Variants in STK32B observed in about 807,000 individuals in gnomAD.
STK32B encodes serine/threonine kinase 32B, also known as serine/threonine-protein kinase 32B.
STK32B carries 43 observed loss-of-function variants against 52.6 expected under a neutral mutation model. The observed-to-expected ratio is 0.82, with a 90% CI of 0.64 to 1.05. The LOEUF (loss-of-function observed/expected upper bound fraction) is 1.05, where lower values mean the gene tolerates loss of function less well. Among genes scored for constraint, STK32B ranks in the 50% least tolerant of loss-of-function variants. The probability of loss-of-function intolerance (pLI) is 0.00; values close to 1 mark genes in which losing one functional copy is unlikely to be tolerated. For synonymous variants in STK32B, 238 were observed against 204.3 expected (o/e 1.17, Z -1.41); for missense variants, 621 against 534.6 (o/e 1.16, Z -1.59).
At chr4:5,123,643 T>C (rs1029994561) in intron 1 of STK32B, among the ~76,000 whole-genome samples, 1 of 152,158 alleles carries the variant, frequency 6.6e-6, no homozygotes, top group Admixed American at 6.5e-5. Context: ...GTGGCCACCC[T>C]GGGTGCATCT....
Position 5,387,084 on chromosome 4 carries a change from G to A in STK32B, c.435-11123G>A, listed in dbSNP as rs573007717. ...GAATGACATCAGACGAGAGCTGGGC[G>A]GTGGCCCCTGGGAAAGCTGGGGGTC... On this transcript the variant is annotated intron_variant, in intron 4 of 11. Transcript: ENST00000282908. Among the ~76,000 whole-genome samples, 20 of 152,280 alleles carry A rather than the reference G, an allele frequency of 1.3e-4. No homozygotes were observed. The South Asian group carries it at 3.1e-3, about 24-fold the overall frequency.
chr4:5,439,664 A>G (rs1714512780), intron 6 of STK32B, among the ~76,000 whole-genome samples: 1 of 152,194 alleles, frequency 6.6e-6, no homozygotes, highest in Non-Finnish European at 1.5e-5. Flanking sequence ...TGTTTTAGAC[A>G]TGAAGTCCTT....
chr4:5,102,528 C>T (rs1321273500), intron 1 of STK32B, among the ~76,000 whole-genome samples: 2 of 117,344 alleles, frequency 1.7e-5, no homozygotes, highest in African/African-American at 3.2e-5. Flanking sequence ...TTCTTTCTTT[C>T]TTTACTTTCT....
chr4:5,352,220 C>T (rs1733873831), intron 4 of STK32B, among the ~76,000 whole-genome samples: 2 of 152,022 alleles, frequency 1.3e-5, no homozygotes, highest in South Asian at 4.1e-4. Flanking sequence ...AAACCAAATC[C>T]AGCAACACAT....
intron 3 of STK32B, among the ~76,000 whole-genome samples, chr4:5,313,124 T>C (rs1730422412): frequency 6.7e-6 from 1 of 149,954 alleles, no homozygotes; most frequent in Admixed American, 6.6e-5. Flanking sequence ...AAAACCACAA[T>C]TACTTTTGCT....
intron 1 of STK32B, among the ~76,000 whole-genome samples, chr4:5,064,404 C>CGT (rs371322536): frequency 1.2e-5 from 1 of 80,314 alleles, no homozygotes; most frequent in East Asian, 3.9e-4. Flanking sequence ...TACTTATATA[C>CGT]ATATAATATA....
chr4:5,114,825 G>A (rs1008210529), intron 1 of STK32B, among the ~76,000 whole-genome samples: 5 of 152,084 alleles, frequency 3.3e-5, no homozygotes, highest in Admixed American at 2.6e-4. Context: ...GAGAACCCAG[G>A]CTCGTTATTC....
At chr4:5,385,467 G>C (rs1041698196) in intron 4 of STK32B, among the ~76,000 whole-genome samples, 1 of 146,456 alleles carries the variant, frequency 6.8e-6, no homozygotes, top group Non-Finnish European at 1.5e-5. Context: ...GGGTTTTGGC[G>C]TTTGGCTGGG....
intron 9 of STK32B, among the ~76,000 whole-genome samples, chr4:5,462,798 T>C (rs1219887907): frequency 6.6e-6 from 1 of 152,176 alleles, no homozygotes; most frequent in African/African-American, 2.4e-5. Context: ...CCCTCTGTTG[T>C]GCAAACAAAA....
intron 3 of STK32B, among the ~76,000 whole-genome samples, chr4:5,170,974 T>C (rs1254489374): frequency 6.6e-6 from 1 of 152,202 alleles, no homozygotes; most frequent in African/African-American, 2.4e-5. Context: ...ACCTGTTGTT[T>C]CCTGACTTTT....
intron 2 of STK32B, among the ~76,000 whole-genome samples, chr4:5,159,588 A>T (rs370377461): frequency 1.9e-5 from 2 of 105,878 alleles, no homozygotes; most frequent in African/African-American, 5.2e-5. Flanking sequence ...TATATATATG[A>T]ATATATATGA....
chr4:5,209,645 T>C (rs1266182877), intron 3 of STK32B, among the ~76,000 whole-genome samples: 1 of 152,188 alleles, frequency 6.6e-6, no homozygotes, highest in Non-Finnish European at 1.5e-5. Context: ...CTGAACTGAA[T>C]TGATAATGAT....
chr4:5,198,556 A>T (rs2108772889), intron 3 of STK32B, among the ~76,000 whole-genome samples: 1 of 152,020 alleles, frequency 6.6e-6, no homozygotes, highest in East Asian at 1.9e-4. Flanking sequence ...CATCTGGGGG[A>T]GTTGGTCTGT....
intron 2 of STK32B, among the ~76,000 whole-genome samples, chr4:5,167,813 G>T (rs73091569): frequency 0.042 from 6,397 of 152,266 alleles, 370 homozygotes; most frequent in African/African-American, 0.13. Flanking sequence ...GGCCCTACTG[G>T]CAAAAGAGAG....
At chr4:5,090,058 G>C (rs952677650) in intron 1 of STK32B, among the ~76,000 whole-genome samples, 3 of 151,926 alleles carry the variant, frequency 2.0e-5, no homozygotes, top group Non-Finnish European at 4.4e-5. Context: ...TTTTTGATGG[G>C]GTTGTTTTTT....
intron 4 of STK32B, among the ~76,000 whole-genome samples, chr4:5,393,916 A>G (rs1431460373): frequency 6.6e-6 from 1 of 152,196 alleles, no homozygotes; most frequent in Admixed American, 6.5e-5. Context: ...TCTTGCATGC[A>G]TATGGATAGC....
intron 3 of STK32B, among the ~76,000 whole-genome samples, chr4:5,249,430 C>T (rs1036169754): frequency 3.9e-5 from 3 of 75,998 alleles, no homozygotes; most frequent in African/African-American, 1.8e-4. Context: ...GTTCTTCCTT[C>T]CTTCCTACCT....
chr4:5,456,381 G>A (rs1295951115), intron 7 of STK32B, among the ~76,000 whole-genome samples: 5 of 152,248 alleles, frequency 3.3e-5, no homozygotes, highest in South Asian at 2.1e-4. Flanking sequence ...GGGCCAGTTC[G>A]GCCCGGACAG....
intron 5 of STK32B, among the ~76,000 whole-genome samples, chr4:5,414,420 A>T (rs1304279413): frequency 6.6e-6 from 1 of 152,202 alleles, no homozygotes; most frequent in Non-Finnish European, 1.5e-5. Context: ...AAATGGAATA[A>T]ATAAAACTAA....
Sources: allele counts gnomAD v4.1 joint callset (sites outside exome capture counted in the v4.1 genomes callset), GRCh38; gene constraint gnomAD v4.1.1; transcripts MANE v1.5; gene names NCBI Gene and HGNC (gene_info 2026-07-23, HGNC 2026-07-21).